The following ASAP1 variants were observed in gnomAD, a reference collection of about 807,000 sequenced individuals.
ASAP1 encodes arf-GAP with SH3 domain, ANK repeat and PH domain-containing protein 1.
Under a neutral mutation model 145.2 loss-of-function variants are expected in ASAP1, and 43 were observed. That is an observed-to-expected ratio of 0.30 (90% CI 0.23 to 0.38). The LOEUF (loss-of-function observed/expected upper bound fraction) is 0.38, where lower values mean the gene tolerates loss of function less well. Among genes scored for constraint, ASAP1 ranks in the 10% least tolerant of loss-of-function variants. ASAP1 has a pLI of 1.00. For missense variants in ASAP1, 1,018 were observed against 1,355.3 expected (o/e 0.75, Z 3.91); for synonymous variants, 546 against 515.5 (o/e 1.06, Z -0.80).
intron 13 of ASAP1, among the ~76,000 whole-genome samples, chr8:130,145,690 T>C (rs2097627466): frequency 6.6e-6 from 1 of 152,178 alleles, no homozygotes; most frequent in Non-Finnish European, 1.5e-5. Flanking sequence ...ATGTTTTACA[T>C]ATACTTGCTC....
chr8:130,294,093 C>G (rs1822110121), intron 3 of ASAP1, among the ~76,000 whole-genome samples: 1 of 152,186 alleles, frequency 6.6e-6, no homozygotes, highest in South Asian at 2.1e-4. Context: ...AAGCAACGTT[C>G]CATACGAAGA....
chr8:130,126,689 C>A (rs1253514928), intron 16 of ASAP1, among the ~76,000 whole-genome samples: 1 of 152,190 alleles, frequency 6.6e-6, no homozygotes, highest in East Asian at 1.9e-4. Flanking sequence ...CCTGACTGGT[C>A]AATGCTTGAG....
intron 3 of ASAP1, among the ~76,000 whole-genome samples, chr8:130,245,111 G>C (rs1818769931): frequency 6.6e-6 from 1 of 152,076 alleles, no homozygotes; most frequent in Non-Finnish European, 1.5e-5. Context: ...AAAGGAAGAG[G>C]TAAAGATGTT....
intron 2 of ASAP1, among the ~76,000 whole-genome samples, chr8:130,400,911 A>C (rs1278481299): frequency 6.6e-6 from 1 of 152,088 alleles, no homozygotes; most frequent in Admixed American, 6.6e-5. Flanking sequence ...ACGAAGTCTC[A>C]TTCTTGACCC....
intron 3 of ASAP1, among the ~76,000 whole-genome samples, chr8:130,339,939 T>C (rs912985233): frequency 3.9e-5 from 6 of 152,218 alleles, no homozygotes; most frequent in Admixed American, 2.0e-4. Flanking sequence ...ACTCTCCTTA[T>C]CCTCACTTCC....
intron 3 of ASAP1, among the ~76,000 whole-genome samples, chr8:130,283,452 C>G (rs780557036): frequency 2.6e-5 from 4 of 151,836 alleles, no homozygotes; most frequent in Admixed American, 2.6e-4. Flanking sequence ...GTGGCATGCG[C>G]GCCTGTAGTC....
intron 2 of ASAP1, among the ~76,000 whole-genome samples, chr8:130,382,476 G>T (rs1178624680): frequency 6.6e-6 from 1 of 152,204 alleles, no homozygotes; most frequent in Non-Finnish European, 1.5e-5. Context: ...AGGAGAAGCA[G>T]AACAGGGAGG....
chr8:130,096,728 G>A (rs763232226), intron 24 of ASAP1, among the ~76,000 whole-genome samples: 10 of 152,128 alleles, frequency 6.6e-5, no homozygotes, highest in Non-Finnish European at 1.3e-4. Context: ...TGTTTTCCAC[G>A]AGAAAGCATT....
At chr8:130,173,448 G>A (rs979367178) in intron 9 of ASAP1, among the ~76,000 whole-genome samples, 1 of 152,060 alleles carries the variant, frequency 6.6e-6, no homozygotes, top group Non-Finnish European at 1.5e-5. Context: ...TCTTCTCTCT[G>A]TTTTAGCTCG....
At chr8:130,344,966 C>T (rs1465984921) in intron 3 of ASAP1, among the ~76,000 whole-genome samples, 5 of 152,152 alleles carry the variant, frequency 3.3e-5, no homozygotes, top group Admixed American at 1.3e-4. Context: ...CTTGACAAAA[C>T]ATCTCCAGCA....
At chr8:130,153,327 T>A (rs2097650587) in intron 12 of ASAP1, among the ~76,000 whole-genome samples, 1 of 107,548 alleles carries the variant, frequency 9.3e-6, no homozygotes, top group African/African-American at 4.1e-5. Flanking sequence ...CAGCACTGCT[T>A]TTTAAATATA....
chr8:130,317,686 C>T (rs190444828), intron 3 of ASAP1, among the ~76,000 whole-genome samples: 226 of 152,338 alleles, frequency 1.5e-3, no homozygotes, highest in Middle Eastern at 0.014. Context: ...CCATTGTGAG[C>T]TTTGAGGCCT....
chr8:130,200,002 T>C (rs1303443365), intron 5 of ASAP1, among the ~76,000 whole-genome samples: 1 of 152,190 alleles, frequency 6.6e-6, no homozygotes, highest in Non-Finnish European at 1.5e-5. Flanking sequence ...CTGAAATATT[T>C]CAACAAAGTG....
intron 1 of ASAP1, among the ~76,000 whole-genome samples, chr8:130,417,619 G>GAA (rs796254952): frequency 1.2e-4 from 16 of 134,396 alleles, no homozygotes; most frequent in African/African-American, 3.3e-4. Context: ...GGCTTCAGGG[G>GAA]AAAAAAAAAA....
At chr8:130,137,959 C>T (rs1182151357) in intron 13 of ASAP1, among the ~76,000 whole-genome samples, 1 of 152,298 alleles carries the variant, frequency 6.6e-6, no homozygotes, top group Non-Finnish European at 1.5e-5. Context: ...TGCTCGAACA[C>T]GAGAAGCCTG....
chr8:130,144,804 T>G (rs762923652), intron 13 of ASAP1, among the ~76,000 whole-genome samples: 1 of 152,192 alleles, frequency 6.6e-6, no homozygotes, highest in Non-Finnish European at 1.5e-5. Context: ...TACTAATTTT[T>G]TTGTCAAACA....
At chr8:130,347,927 T>C (rs370265735) in intron 3 of ASAP1, among the ~76,000 whole-genome samples, 8 of 152,322 alleles carry the variant, frequency 5.3e-5, no homozygotes, top group African/African-American at 1.4e-4. Flanking sequence ...GTATTTCATT[T>C]TGCTGGGGAA....
At chr8:130,140,827 T>C (rs1308135870) in intron 13 of ASAP1, among the ~76,000 whole-genome samples, 2 of 152,144 alleles carry the variant, frequency 1.3e-5, no homozygotes, top group Non-Finnish European at 2.9e-5. Flanking sequence ...ACGCATAAGT[T>C]TTGACTGTCT....
chr8:130,230,138 A>G (rs565963901), intron 4 of ASAP1, among the ~76,000 whole-genome samples: 9 of 152,266 alleles, frequency 5.9e-5, no homozygotes, highest in African/African-American at 2.2e-4. Context: ...TGGGATGAGT[A>G]CTCACAAATT....
Sources: gnomAD v4.1 joint callset for allele counts (sites outside exome capture counted in the v4.1 genomes callset) on GRCh38, gnomAD v4.1.1 for gene constraint, MANE v1.5 for transcripts, NCBI Gene and HGNC (gene_info 2026-07-23, HGNC 2026-07-21) for gene names.